MINDY1: variants seen among roughly 807,000 people sequenced by gnomAD.
The protein encoded by MINDY1 is ubiquitin carboxyl-terminal hydrolase MINDY-1.
A neutral mutation model predicts 53.6 loss-of-function variants in MINDY1; 50 were observed. The observed-to-expected ratio is 0.93, with a 90% CI of 0.74 to 1.18. MINDY1 has a LOEUF of 1.18. MINDY1 is among the 50% of genes most tolerant of loss of function. The probability of loss-of-function intolerance (pLI) is 0.00; values close to 1 mark genes in which losing one functional copy is unlikely to be tolerated. For missense variants in MINDY1, 484 were observed against 578.6 expected, an observed-to-expected ratio of 0.84 and a Z score of 1.68; for synonymous variants, 231 against 234.7, an observed-to-expected ratio of 0.98 and a Z score of 0.14.
rs1672265182 is a variant in MINDY1 at position 150,999,367 on chromosome 1, A to T, written c.981+2T>A. On this transcript the variant is annotated splice_donor_variant, in intron 7 of 9. Coordinates refer to ENST00000683666, the MANE Select transcript of MINDY1 (RefSeq NM_001376665.1). LOFTEE classifies it high-confidence loss of function. This position sits in a 1 kb window ranked among gnomAD's most constrained non-coding sequence, Gnocchi z 4.4. ...AGCACGCCACCCCCAAACTCGCATT[A>T]CCTTATGCTTAGTCATGGTGCTAAA... The T allele has an allele frequency of 6.2e-7, 1 of 1,613,982 alleles. No homozygotes were observed. The highest frequency in any genetic ancestry group is 1.3e-5 in the African/African-American group (1 of 74,976).
At chr1:151,006,081 T>C in intron 1 of MINDY1, 1 of 1,551,278 alleles carries the variant, frequency 6.4e-7, no homozygotes, top group Non-Finnish European at 8.7e-7. Context: ...ATGGCCACAG[T>C]GCCCTGTATA....
intron 7 of MINDY1, among the ~76,000 whole-genome samples, chr1:150,998,699 G>A (rs1672172893): frequency 6.6e-6 from 1 of 152,196 alleles, no homozygotes; most frequent in South Asian, 2.1e-4. Flanking sequence ...GCCTTGGGGG[G>A]AAGAAAGGGA....
chr1:150,998,994 A>T (rs1672210601), intron 7 of MINDY1, among the ~76,000 whole-genome samples: 1 of 152,186 alleles, frequency 6.6e-6, no homozygotes, highest in Admixed American at 6.6e-5. Context: ...TTCCTGTCCC[A>T]TCGACGGCAG....
At chr1:151,000,719 TTC>T (rs1415598565) in intron 4 of MINDY1, 104 bp from the exon 5 acceptor site, 1 of 1,285,896 alleles carries the variant, frequency 7.8e-7, no homozygotes, top group African/African-American at 1.5e-5. Flanking sequence ...TCTTCCCTGA[TTC>T]TCTTACAAGC....
rs1672298910 is a variant in MINDY1 at position 150,999,575 on chromosome 1, C to G, written c.839-64G>C. 6.3e-7 allele frequency: 1 copy of G among 1,593,730 alleles called. No individual in the cohort carries two copies. Among genetic ancestry groups the G allele is most frequent in the Non-Finnish European group, 8.5e-7 (1 of 1,170,954 alleles). ...ATTCAAGGTCCACAACAGGAAGGAC[C>G]ATCCAGAGAGCCCCTGTCAAAAGCC... On this transcript the variant is annotated intron_variant, in intron 6 of 9. Coordinates refer to ENST00000683666, the MANE Select transcript of MINDY1 (RefSeq NM_001376665.1). This position sits in a 1 kb window ranked among gnomAD's most constrained non-coding sequence, Gnocchi z 4.4.
At chr1:150,998,301 G>C (rs779931665) in intron 7 of MINDY1, 28 bp from the exon 8 acceptor site, 46 of 1,586,824 alleles carry the variant, frequency 2.9e-5, no homozygotes, top group Admixed American at 2.5e-4. Flanking sequence ...GAGCTCATTG[G>C]GGGGACAGTT....
chr1:151,001,397 A>G, intron 3 of MINDY1, 83 bp from the exon 4 acceptor site: 1 of 1,431,454 alleles, frequency 7.0e-7, no homozygotes, highest in Non-Finnish European at 9.8e-7. Flanking sequence ...AATGCGGGTA[A>G]TGTCACAGAA....
intron 1 of MINDY1, chr1:151,006,106 GA>G: frequency 1.3e-6 from 2 of 1,551,724 alleles, no homozygotes; most frequent in Non-Finnish European, 1.7e-6. Flanking sequence ...CTCACAAGGA[GA>G]GGGGGAAGGT....
rs587667965 is a variant in MINDY1, at chr1:151,002,927, G to C, written c.-89-221C>G. 234 of 1,354,626 alleles carry C rather than the reference G, an allele frequency of 1.7e-4. 1 individual carries two copies. In the East Asian group the frequency reaches 6.2e-3, roughly 36 times the overall value. The allele number at this position is 1,354,626 out of a possible 1,614,324, so 83.9% of individuals were successfully genotyped here. ...GTCGTGGGGCTTCCAGACTTGGGAG[G>C]GAAGACTGGTGGGATTGAACACATG... is the stretch of plus-strand genomic sequence containing the variant. On this transcript the variant is annotated intron_variant, in intron 1 of 9. Coordinates refer to ENST00000683666, the MANE Select transcript of MINDY1 (RefSeq NM_001376665.1). The surrounding 1 kb of genome is among the most constrained non-coding windows in gnomAD (Gnocchi z 4.1).
Position 151,006,382 on chromosome 1 carries a change from G to A in MINDY1, c.-160C>T. ...CCGTGGCAATGAGATGGGGGAGATA[G>A]GTGCAATGAAGGGGGCTGCCAGTGC... On this transcript the variant is annotated 5_prime_UTR_variant, in exon 1 of 10. Transcript: ENST00000683666. 7.3e-7 allele frequency: 1 copy of A among 1,370,290 alleles called. No homozygotes were observed. The highest frequency in any genetic ancestry group is 9.4e-7 in the Non-Finnish European group (1 of 1,060,534). 84.9% of individuals were successfully genotyped at this position (1,370,290 alleles called of 1,614,324 possible). A position where few individuals can be genotyped will look rare whatever the true frequency, so the allele number is the denominator to read the frequency against.
chr1:151,002,238 G>T lies in MINDY1; in HGVS notation c.380C>A (p.Pro127His), dbSNP rs1185928658. ...KWIPWKGEQT[P>H]IITQSTNGPC... is the part of the protein sequence containing the mutation. The stretch of plus-strand genomic sequence containing the variant: ...GCCGTTAGTGCTCTGGGTGATGATG[G>T]GTGTCTGTTCTCCTTTCCAAGGGAT... The change falls in exon 2 of 10, where the codon CCC becomes CAC. Residue 127 changes from proline (P) to histidine (H), a missense_variant. Coordinates refer to ENST00000683666, the MANE Select transcript of MINDY1 (RefSeq NM_001376665.1). This position sits in a 1 kb window ranked among gnomAD's most constrained non-coding sequence, Gnocchi z 4.1. 1 of 1,614,146 alleles carries T rather than the reference G, an allele frequency of 6.2e-7. No homozygotes were observed. Among genetic ancestry groups the T allele is most frequent in the Non-Finnish European group, 8.5e-7 (1 of 1,180,016 alleles).
intron 1 of MINDY1, among the ~76,000 whole-genome samples, chr1:151,003,580 C>T (rs587719163): frequency 6.6e-6 from 1 of 152,216 alleles, no homozygotes; most frequent in African/African-American, 2.4e-5. Context: ...TATCAAATTT[C>T]TTTTAATTAA....
In MINDY1 at chr1:151,002,011, A is replaced by G. The variant is rs1309166545; in HGVS notation, c.453+154T>C. On this transcript the variant is annotated intron_variant, in intron 2 of 9. Coordinates refer to ENST00000683666, the MANE Select transcript of MINDY1 (RefSeq NM_001376665.1). The surrounding 1 kb of genome is among the most constrained non-coding windows in gnomAD (Gnocchi z 4.1). ...CTCTTTTTTTTTTTTCTTTGTTTTT[A>G]GGAACATCTTATCTCATTTGCTCAA... Among the ~76,000 whole-genome samples the G allele has an allele frequency of 6.7e-6, 1 of 150,182 alleles. No homozygotes were observed. The highest frequency in any genetic ancestry group is 1.5e-5 in the Non-Finnish European group (1 of 67,594).
At chr1:151,000,350 C>T in intron 5 of MINDY1, 107 bp downstream of exon 5, 1 of 1,205,546 alleles carries the variant, frequency 8.3e-7, no homozygotes, top group African/African-American at 1.5e-5. Flanking sequence ...CTATTTCCCT[C>T]CCAAGCCAAT....
rs1673198497 is a variant in MINDY1, at chr1:151,006,324, G to A, written c.-102C>T. 4 of 1,416,346 alleles carry A rather than the reference G, an allele frequency of 2.8e-6. No homozygotes were observed. Among genetic ancestry groups the A allele is most frequent in the Non-Finnish European group, 3.7e-6 (4 of 1,085,788 alleles). 87.7% of individuals were successfully genotyped at this position (1,416,346 alleles called of 1,614,324 possible). Reference sequence around the variant, plus strand: ...ATAAAGTTTTTACCTTAAAGAAGGGGGTGCTGTTCCAAGATTGAGAAGGAG... The same window carrying A: ...ATAAAGTTTTTACCTTAAAGAAGGGAGTGCTGTTCCAAGATTGAGAAGGAG... On this transcript the variant is annotated 5_prime_UTR_variant, in exon 1 of 10. Transcript: ENST00000683666.
At chr1:151,008,323 G>GGACTACGTTTCCCACGTCGCCC, upstream of MINDY1, 6 of 1,317,762 alleles carry the variant, frequency 4.6e-6, no homozygotes, top group Non-Finnish European at 5.8e-6. Flanking sequence ...CGGAGTTGCG[G>GGACTACGTTTCCCACGTCGCCC]GACTACGTTT....
At position 151,003,000 on chromosome 1, in the gene MINDY1, A is replaced by C. The variant is rs953852766; in HGVS notation, c.-89-294T>G. ...CAGATCATGACAGGGAAGGGAGGAA[A>C]GACAGAGAGAAAGGGAGAGCACAAA... On this transcript the variant is annotated intron_variant, in intron 1 of 9. Coordinates refer to ENST00000683666, the MANE Select transcript of MINDY1 (RefSeq NM_001376665.1). This position sits in a 1 kb window ranked among gnomAD's most constrained non-coding sequence, Gnocchi z 4.1. 3.1e-5 allele frequency: 37 copies of C among 1,182,060 alleles called. No homozygotes were observed. The African/African-American group carries it at 5.2e-4, about 16-fold the overall frequency. 73.2% of individuals were successfully genotyped at this position (1,182,060 alleles called of 1,614,324 possible). A position where few individuals can be genotyped will look rare whatever the true frequency, so the allele number is the denominator to read the frequency against.
chr1:151,008,367 CG>C, upstream of MINDY1: 1 of 1,282,806 alleles, frequency 7.8e-7, no homozygotes, highest in Non-Finnish European at 1.0e-6. Context: ...CCCTTGGCCT[CG>C]CCGGAAAGAC....
In MINDY1 at chr1:151,006,359, G is replaced by T. The variant is rs1177777573; in HGVS notation, c.-137C>A. The stretch of plus-strand genomic sequence containing the variant: ...CAAGATTGAGAAGGAGGGTTCAGCC[G>T]TGGCAATGAGATGGGGGAGATAGGT... On this transcript the variant is annotated 5_prime_UTR_variant, in exon 1 of 10. Coordinates refer to ENST00000683666, the MANE Select transcript of MINDY1 (RefSeq NM_001376665.1). The T allele has an allele frequency of 2.2e-6, 3 of 1,395,178 alleles. No homozygotes were observed. Among genetic ancestry groups the T allele is most frequent in the East Asian group, 2.7e-5 (1 of 37,348 alleles). 86.4% of individuals were successfully genotyped at this position (1,395,178 alleles called of 1,614,324 possible).
Sources: allele counts gnomAD v4.1 joint callset (sites outside exome capture counted in the v4.1 genomes callset), GRCh38; gene constraint gnomAD v4.1.1; non-coding constraint Gnocchi (gnomAD v3.1); transcripts MANE v1.5; gene names NCBI Gene and HGNC (gene_info 2026-07-23, HGNC 2026-07-21).